The following SLC4A8 variants were observed in gnomAD, a reference collection of about 807,000 sequenced individuals.
SLC4A8 encodes solute carrier family 4 member 8.
In SLC4A8, 40 loss-of-function variants were observed where a neutral mutation model predicts 125.0. That is an observed-to-expected ratio of 0.32 (90% CI 0.25 to 0.42). The LOEUF is 0.42. Among genes scored for constraint, SLC4A8 ranks in the 10% least tolerant of loss-of-function variants. The pLI is 1.00. For missense variants in SLC4A8, 863 were observed against 1,355.1 expected (o/e 0.64, Z 5.70); for synonymous variants, 456 against 476.0 (o/e 0.96, Z 0.55).
intron 2 of SLC4A8, among the ~76,000 whole-genome samples, chr12:51,443,771 AGAGGAGCC>A (rs1949678419): frequency 6.6e-6 from 1 of 152,210 alleles, no homozygotes; most frequent in African/African-American, 2.4e-5. Context: ...CTGTAAGCCC[AGAGGAGCC>A]GAGCACCCTG....
At chr12:51,413,960 T>C (rs768190168) in intron 1 of SLC4A8, among the ~76,000 whole-genome samples, 4 of 152,222 alleles carry the variant, frequency 2.6e-5, no homozygotes, top group African/African-American at 4.8e-5. Context: ...CTGTGACGAA[T>C]GTCTTTGGTA....
At chr12:51,467,198 C>T (rs1377669644) in intron 11 of SLC4A8, among the ~76,000 whole-genome samples, 2 of 152,150 alleles carry the variant, frequency 1.3e-5, no homozygotes, top group Admixed American at 1.3e-4. Flanking sequence ...GACAAAGTGA[C>T]ACTTTATTAC....
rs1460274421 is a variant in SLC4A8, at chr12:51,508,748, T to C, written c.*1310T>C. 2 of 152,230 alleles carry C rather than the reference T, an allele frequency of 1.3e-5. No homozygotes were observed. The highest frequency in any genetic ancestry group is 1.5e-5 in the Non-Finnish European group (1 of 68,050). 9.4% of individuals were successfully genotyped at this position (152,230 alleles called of 1,614,324 possible). A position where few individuals can be genotyped will look rare whatever the true frequency, so the allele number is the denominator to read the frequency against. ...ATTTGGGATCCAGTGCTTATAAACC[T>C]TTCCTTCCTTTGTGCACAGAATGTA... On this transcript the variant is annotated 3_prime_UTR_variant, in exon 25 of 25. Coordinates refer to ENST00000453097, the MANE Select transcript of SLC4A8 (RefSeq NM_001039960.3).
chr12:51,461,405 G>T, intron 9 of SLC4A8, 114 bp downstream of exon 9: 1 of 678,432 alleles, frequency 1.5e-6, no homozygotes, highest in South Asian at 1.7e-5. Context: ...TGCAATATCT[G>T]CTGGGAAGTA....
At chr12:51,463,534 A>T (rs1950416593) in intron 10 of SLC4A8, 80 bp from the exon 11 acceptor site, 1 of 1,066,912 alleles carries the variant, frequency 9.4e-7, no homozygotes, top group Non-Finnish European at 1.4e-6. Flanking sequence ...CTTTTGGGTT[A>T]TCCCATTCCC....
intron 21 of SLC4A8, among the ~76,000 whole-genome samples, chr12:51,496,180 C>G (rs1258166012): frequency 6.6e-6 from 1 of 152,186 alleles, no homozygotes; most frequent in African/African-American, 2.4e-5. Context: ...GGGATCCTAT[C>G]AATTCCAGAT....
intron 1 of SLC4A8, among the ~76,000 whole-genome samples, chr12:51,410,057 C>T (rs1948566003): frequency 6.6e-6 from 1 of 152,164 alleles, no homozygotes; most frequent in African/African-American, 2.4e-5. Flanking sequence ...CATTTGTAAC[C>T]TTCCTGCAGG....
chr12:51,458,613 G>T lies in SLC4A8; in HGVS notation c.818G>T (p.Gly273Val), dbSNP rs1006703335. 2.5e-6 allele frequency: 4 copies of T among 1,613,904 alleles called. No individual in the cohort carries two copies. The highest frequency in any genetic ancestry group is 2.5e-6 in the Non-Finnish European group (3 of 1,179,818). Residue 273 changes from glycine to valine, a missense_variant, in exon 7 of 25, where the codon GGA (glycine) becomes GTA (valine). Physicochemically the swap from Gly to Val is moderately radical, Grantham distance 109. Transcript: ENST00000453097. ...VPTTNLEVKN[G>V]VNCEHSPVDL... ...ACTACAAATCTTGAAGTAAAAAATGGAGTGAATTGTGAACATAGTCCTGTG... is the reference window on the plus strand; with the variant it reads ...ACTACAAATCTTGAAGTAAAAAATGTAGTGAATTGTGAACATAGTCCTGTG...
intron 10 of SLC4A8, among the ~76,000 whole-genome samples, chr12:51,463,378 C>G (rs1002546694): frequency 6.6e-6 from 1 of 150,654 alleles, no homozygotes; most frequent in Non-Finnish European, 1.5e-5. Flanking sequence ...AGTTAGGAGT[C>G]AGGTACTATG....
chr12:51,398,599 C>G (rs1948311544), intron 1 of SLC4A8, among the ~76,000 whole-genome samples: 2 of 152,174 alleles, frequency 1.3e-5, no homozygotes, highest in Admixed American at 1.3e-4. Context: ...ATTTAACCTT[C>G]TGAAATCTTA....
At chr12:51,490,486 C>T (rs1951281576) in intron 19 of SLC4A8, among the ~76,000 whole-genome samples, 2 of 151,052 alleles carry the variant, frequency 1.3e-5, no homozygotes, top group Admixed American at 1.3e-4. Context: ...TGGCGTGAAC[C>T]CAGGAGGCGG....
rs111508152 is a variant in SLC4A8 at position 51,452,023 on chromosome 12, G to A, written c.278-101G>A. 2,987 of 1,088,054 alleles carry A rather than the reference G, an allele frequency of 2.7e-3. 50 individuals carry two copies. In the African/African-American group the frequency reaches 0.04, roughly 15 times the overall value. The allele number at this position is 1,088,054 out of a possible 1,614,324, so 67.4% of individuals were successfully genotyped here. A position where few individuals can be genotyped will look rare whatever the true frequency, so the allele number is the denominator to read the frequency against. On this transcript the variant is annotated intron_variant, in intron 3 of 24. Coordinates refer to ENST00000453097, the MANE Select transcript of SLC4A8 (RefSeq NM_001039960.3). ...GAAATCTTTTTCTTCTGCATTCGTG[G>A]TTGTCTATATATATTTCTAAAGTTG... is the stretch of plus-strand genomic sequence containing the variant.
rs780074488 is a variant in SLC4A8, at chr12:51,463,675, A to C, written c.1310A>C (p.His437Pro). The C allele has an allele frequency of 5.6e-6, 9 of 1,614,006 alleles. No homozygotes were observed. The Admixed American group carries it at 6.7e-5, about 12-fold the overall frequency. The change falls in exon 11 of 25, where the codon CAT becomes CCT. Residue 437 changes from histidine to proline, a missense_variant. Transcript: ENST00000453097. ...GTTTGCCACATAGAACAGGAACCAC[A>C]TGGGGGTCACAGTGGGCCAGAACTT... The part of the protein sequence containing the change: ...GNVCHIEQEP[H>P]GGHSGPELQR...
intron 1 of SLC4A8, among the ~76,000 whole-genome samples, chr12:51,397,485 G>A (rs1418724388): frequency 6.6e-6 from 1 of 152,134 alleles, no homozygotes; most frequent in African/African-American, 2.4e-5. Flanking sequence ...GAGACAGGGA[G>A]AAGGGTTGAA....
In SLC4A8 at chr12:51,424,896, C is replaced by A; in HGVS notation, c.-92C>A. On this transcript the variant is annotated 5_prime_UTR_variant, in exon 1 of 25. Transcript: ENST00000453097. ...ACCGTTGGCTCCGGGGTGGGGGTCG[C>A]CGTTCGAGTGATCTGCTCAGACCCG... is the stretch of plus-strand genomic sequence containing the variant. 7.3e-7 allele frequency: 1 copy of A among 1,362,770 alleles called. No individual in the cohort carries two copies. Among genetic ancestry groups the A allele is most frequent in the Non-Finnish European group, 1.0e-6 (1 of 987,816 alleles). 84.4% of individuals were successfully genotyped at this position (1,362,770 alleles called of 1,614,324 possible).
At position 51,488,776 on chromosome 12, in the gene SLC4A8, C is replaced by T. The variant is rs111400071; in HGVS notation, c.2364C>T (p.Ile788=). The T allele has an allele frequency of 4.3e-6, 7 of 1,612,358 alleles. No homozygotes were observed. Among genetic ancestry groups the T allele is most frequent in the Non-Finnish European group, 5.9e-6 (7 of 1,178,424 alleles). Reference sequence around the variant, plus strand: ...GGTGGACTGTGATAGCTGCAATTATCCCAGCTCTTCTCTGTACTATCTTGA... The same window carrying T: ...GGTGGACTGTGATAGCTGCAATTATTCCAGCTCTTCTCTGTACTATCTTGA... ...NPWWTVIAAI[I]PALLCTILIF... The change falls in exon 18 of 25, where the codon ATC becomes ATT. Residue 788 remains isoleucine, a synonymous_variant. Transcript: ENST00000453097.
rs1326023333 is a variant in SLC4A8, at chr12:51,471,280, G to C, written c.1659-7G>C. On this transcript the variant is annotated splice_region_variant and splice_polypyrimidine_tract_variant and intron_variant, in intron 13 of 24. Coordinates refer to ENST00000453097, the MANE Select transcript of SLC4A8 (RefSeq NM_001039960.3). ...ATGCGTTCTGATGAACTTTGGTCTT[G>C]TTTCAGAGACTATGCTCTTTCATAC... is the stretch of plus-strand genomic sequence containing the variant. 1 of 1,608,086 alleles carries C rather than the reference G, an allele frequency of 6.2e-7. No individual in the cohort carries two copies. The highest frequency in any genetic ancestry group is 1.3e-5 in the African/African-American group (1 of 74,972).
chr12:51,476,949 C>T (rs567737114), intron 16 of SLC4A8, among the ~76,000 whole-genome samples: 16 of 149,030 alleles, frequency 1.1e-4, no homozygotes, highest in Admixed American at 5.4e-4. Flanking sequence ...GCTATGTTCC[C>T]CAGGCTGGAG....
intron 7 of SLC4A8, among the ~76,000 whole-genome samples, chr12:51,459,661 G>A (rs1454616248): frequency 6.6e-6 from 1 of 152,142 alleles, no homozygotes; most frequent in Non-Finnish European, 1.5e-5. Context: ...CATGAGGCCA[G>A]GAGTTTGAGA....
Sources: allele counts gnomAD v4.1 joint callset (sites outside exome capture counted in the v4.1 genomes callset), GRCh38; gene constraint gnomAD v4.1.1; transcripts MANE v1.5; gene names NCBI Gene and HGNC (gene_info 2026-07-23, HGNC 2026-07-21).